The following SNAP91 variants were observed in gnomAD, a reference collection of about 807,000 sequenced individuals.
SNAP91 encodes synaptosome associated protein 91, also known as clathrin coat assembly protein AP180.
Under a neutral mutation model 100.3 loss-of-function variants are expected in SNAP91, and 27 were observed. That is an observed-to-expected ratio of 0.27 (90% CI 0.20 to 0.37). The LOEUF is 0.37. Among genes scored for constraint, SNAP91 ranks in the 10% least tolerant of loss-of-function variants. The pLI, the probability that SNAP91 is intolerant of heterozygous loss-of-function variation, is 1.00. For synonymous variants in SNAP91, 404 were observed against 398.6 expected (o/e 1.01, Z -0.16); for missense variants, 986 against 1,123.7 (o/e 0.88, Z 1.75).
chr6:83,564,854 T>A lies in SNAP91; in HGVS notation c.2443-3907A>T, dbSNP rs376911952. Among the ~76,000 whole-genome samples, 16 of 151,946 alleles carry A rather than the reference T, an allele frequency of 1.1e-4. 1 individual carries two copies. Among genetic ancestry groups the A allele is most frequent in the East Asian group, 7.7e-4 (4 of 5,184 alleles). ...AAGACCTATGATTAAGGCAATAGTTTTTAAAAATATGACACCAAAAGCACA... is the reference window on the plus strand; with the variant it reads ...AAGACCTATGATTAAGGCAATAGTTATTAAAAATATGACACCAAAAGCACA... On this transcript the variant is annotated intron_variant, in intron 26 of 29. Transcript: ENST00000369694.
At chr6:83,654,270 T>C (rs1449833437) in intron 7 of SNAP91, among the ~76,000 whole-genome samples, 2 of 152,204 alleles carry the variant, frequency 1.3e-5, no homozygotes, top group African/African-American at 4.8e-5. Flanking sequence ...CTCCTTGTAT[T>C]TGTCTGTCTC....
intron 2 of SNAP91, among the ~76,000 whole-genome samples, chr6:83,676,128 A>T (rs2098888308): frequency 6.6e-6 from 1 of 151,594 alleles, no homozygotes; most frequent in African/African-American, 2.4e-5. Flanking sequence ...AAAAAAAAGA[A>T]TGTGACATAC....
In SNAP91 at chr6:83,641,222, A is replaced by G. The variant is rs2097687159; in HGVS notation, c.659-20T>C. On this transcript the variant is annotated intron_variant, in intron 7 of 29. Coordinates refer to ENST00000369694, the MANE Select transcript of SNAP91 (RefSeq NM_001242792.2). ...ACTTTTCTAGAGAAGATAAAGAGAT[A>G]AGCAATTTGAAAAGAGTATTATGTT... is the stretch of plus-strand genomic sequence containing the variant. 2 of 1,122,274 alleles carry G rather than the reference A, an allele frequency of 1.8e-6. No homozygotes were observed. Among genetic ancestry groups the G allele is most frequent in the African/African-American group, 1.6e-5 (1 of 61,506 alleles). 69.5% of individuals were successfully genotyped at this position (1,122,274 alleles called of 1,614,324 possible).
chr6:83,582,437 A>G lies in SNAP91; in HGVS notation c.2015-81T>C, dbSNP rs568934446. 1.0e-5 allele frequency: 14 copies of G among 1,394,460 alleles called. No individual in the cohort carries two copies. In the South Asian group the frequency reaches 2.0e-4, roughly 20 times the overall value. 86.4% of individuals were successfully genotyped at this position (1,394,460 alleles called of 1,614,324 possible). On this transcript the variant is annotated intron_variant, in intron 22 of 29. Transcript: ENST00000369694. ...ATAAAAACTGAATTTAAAAAGTTAT[A>G]GAAAACTGAAAAGGAATTAATTGCA...
At chr6:83,703,158 G>GT (rs1220786370) in intron 2 of SNAP91, among the ~76,000 whole-genome samples, 4,387 of 90,836 alleles carry the variant, frequency 0.048, 134 homozygotes, top group African/African-American at 0.089. Context: ...GAGAGGGTGT[G>GT]TTTTTTTTTT....
Position 83,575,083 on chromosome 6 carries a change from G to A in SNAP91, c.2369C>T (p.Thr790Ile). 1 of 1,607,780 alleles carries A rather than the reference G, an allele frequency of 6.2e-7. No homozygotes were observed. The highest frequency in any genetic ancestry group is 8.5e-7 in the Non-Finnish European group (1 of 1,176,838). Residue 790 changes from threonine to isoleucine, a missense_variant, in exon 26 of 30, where the codon ACT (threonine) becomes ATT (isoleucine). Thr to Ile is a moderately conservative substitution (Grantham distance 89, BLOSUM62 -1). This residue lies in a region of SNAP91 where 575 missense variants were observed against 579.9 expected (regional missense o/e 0.99). Coordinates refer to ENST00000369694, the MANE Select transcript of SNAP91 (RefSeq NM_001242792.2). ...LQWNAGEKKL[T>I]GGANWQPKVA... ...TTTAGGCTGCCAGTTGGCTCCACCA[G>A]TCAACTTTTTCTCTCCAGCATTCCA...
At chr6:83,635,417 T>C (rs1159296627) in intron 8 of SNAP91, among the ~76,000 whole-genome samples, 2 of 152,194 alleles carry the variant, frequency 1.3e-5, no homozygotes, top group African/African-American at 4.8e-5. Context: ...AATTGAACCA[T>C]TTATCATTAT....
chr6:83,673,707 T>C (rs1030682057), intron 2 of SNAP91, among the ~76,000 whole-genome samples: 10 of 152,192 alleles, frequency 6.6e-5, no homozygotes, highest in South Asian at 6.2e-4. Flanking sequence ...GACATTAACA[T>C]TGCCTCACCA....
At chr6:83,572,648 T>C (rs1810382587) in intron 26 of SNAP91, among the ~76,000 whole-genome samples, 1 of 152,194 alleles carries the variant, frequency 6.6e-6, no homozygotes, top group African/African-American at 2.4e-5. Flanking sequence ...CTTTAGACTG[T>C]GCTACTACCA....
At chr6:83,575,991 A>AT in intron 25 of SNAP91, 32 bp downstream of exon 25, 1 of 1,290,408 alleles carries the variant, frequency 7.7e-7, no homozygotes, top group Non-Finnish European at 1.1e-6. Context: ...ATATACCATC[A>AT]AAAGGAAATC....
At chr6:83,658,085 T>G (rs1201899130) in intron 6 of SNAP91, among the ~76,000 whole-genome samples, 1 of 152,070 alleles carries the variant, frequency 6.6e-6, no homozygotes, top group East Asian at 1.9e-4. Context: ...AGCCTCAAGA[T>G]TCTTCAAAAT....
intron 7 of SNAP91, among the ~76,000 whole-genome samples, chr6:83,646,089 G>A (rs554545450): frequency 6.6e-6 from 1 of 152,184 alleles, no homozygotes; most frequent in East Asian, 1.9e-4. Context: ...TTATTTTTTA[G>A]TTCTAAGAGT....
chr6:83,591,063 G>A, intron 22 of SNAP91, 148 bp downstream of exon 22: 2 of 601,634 alleles, frequency 3.3e-6, no homozygotes, highest in South Asian at 4.1e-5. Context: ...CCAACAGTCA[G>A]TTTTTCAATA....
intron 9 of SNAP91, among the ~76,000 whole-genome samples, chr6:83,618,437 A>T (rs2096585650): frequency 6.6e-6 from 1 of 151,892 alleles, no homozygotes; most frequent in African/African-American, 2.4e-5. Context: ...AGGATTTTAA[A>T]ATACAACTCA....
At chr6:83,636,574 C>T (rs1487851924) in intron 8 of SNAP91, among the ~76,000 whole-genome samples, 1 of 152,136 alleles carries the variant, frequency 6.6e-6, no homozygotes, top group African/African-American at 2.4e-5. Context: ...GATCATTTTC[C>T]TGGCTTCCTT....
intron 24 of SNAP91, among the ~76,000 whole-genome samples, chr6:83,576,545 G>A (rs185732403): frequency 4.3e-4 from 66 of 152,322 alleles, no homozygotes; most frequent in Admixed American, 2.2e-3. Flanking sequence ...TCTGGGTGTG[G>A]AGTCTCTAAA....
At chr6:83,661,358 CAAT>C in intron 5 of SNAP91, 141 bp downstream of exon 5, 1 of 510,008 alleles carries the variant, frequency 2.0e-6, no homozygotes, top group Non-Finnish European at 3.5e-6. Context: ...CTAACTTCTA[CAAT>C]ATTATTGAGT....
At chr6:83,607,329 T>TTGTGTGTGTGTGTGTGTGTGTGTGTGTG (rs61335064) in intron 13 of SNAP91, among the ~76,000 whole-genome samples, 1 of 144,792 alleles carries the variant, frequency 6.9e-6, no homozygotes, top group African/African-American at 2.6e-5. Flanking sequence ...CCAAGTTGGG[T>TTGTGTGTGTGTGTGTGTGTGTGTGTGTG]TGTGTGTGTG....
chr6:83,676,190 A>G (rs925757632), intron 2 of SNAP91, among the ~76,000 whole-genome samples: 4 of 152,166 alleles, frequency 2.6e-5, no homozygotes, highest in African/African-American at 7.2e-5. Flanking sequence ...AGTGCCTGCT[A>G]TGTGCCAGGC....
Sources: allele counts gnomAD v4.1 joint callset (sites outside exome capture counted in the v4.1 genomes callset), GRCh38; gene constraint gnomAD v4.1.1; regional missense constraint gnomAD v4.1.1; transcripts MANE v1.5; gene names NCBI Gene and HGNC (gene_info 2026-07-23, HGNC 2026-07-21).